The following SBF2 variants were observed in gnomAD, a reference collection of about 807,000 sequenced individuals.
SBF2 encodes the protein SET binding factor 2, also known as myotubularin-related protein 13.
SBF2 carries 112 observed loss-of-function variants against 225.2 expected under a neutral mutation model. The ratio of observed to expected loss-of-function variants is 0.50; its 90% confidence interval spans 0.43 to 0.58. SBF2 has a LOEUF of 0.58. Among genes scored for constraint, SBF2 ranks in the 20% least tolerant of loss-of-function variants. The probability of loss-of-function intolerance (pLI) is 0.00; values close to 1 mark genes in which losing one functional copy is unlikely to be tolerated. For missense variants in SBF2, 1,996 were observed against 2,206.2 expected (o/e 0.90, Z 1.91); for synonymous variants, 763 against 773.3 (o/e 0.99, Z 0.22).
At chr11:9,782,760 A>G (rs1362738120) in intron 38 of SBF2, among the ~76,000 whole-genome samples, 3 of 151,664 alleles carry the variant, frequency 2.0e-5, no homozygotes, top group African/African-American at 7.3e-5. Flanking sequence ...AATCCCAGCT[A>G]CTCGGGAGGC....
intron 16 of SBF2, among the ~76,000 whole-genome samples, chr11:9,934,753 C>T (rs11500792): frequency 0.038 from 5,808 of 152,226 alleles, 164 homozygotes; most frequent in Middle Eastern, 0.061. Flanking sequence ...CAAAATTCAA[C>T]AGCCCTTCAT....
At chr11:9,825,913 A>G (rs1275697516) in intron 28 of SBF2, among the ~76,000 whole-genome samples, 2 of 152,212 alleles carry the variant, frequency 1.3e-5, no homozygotes, top group African/African-American at 4.8e-5. Flanking sequence ...GAACAGACTG[A>G]TCTTTTTCTT....
intron 2 of SBF2, among the ~76,000 whole-genome samples, chr11:10,147,229 A>G (rs1050197159): frequency 6.6e-6 from 1 of 152,026 alleles, no homozygotes; most frequent in Non-Finnish European, 1.5e-5. Flanking sequence ...TATATACCCA[A>G]AGGAGTATAA....
intron 12 of SBF2, among the ~76,000 whole-genome samples, chr11:9,991,827 T>C (rs182227443): frequency 6.6e-6 from 1 of 152,238 alleles, no homozygotes; most frequent in East Asian, 1.9e-4. Flanking sequence ...ATGTTGATAA[T>C]TGATTAGTGA....
intron 2 of SBF2, among the ~76,000 whole-genome samples, chr11:10,076,103 G>C (rs139141390): frequency 6.6e-6 from 1 of 152,204 alleles, no homozygotes; most frequent in Non-Finnish European, 1.5e-5. Flanking sequence ...ATCTGTGGTG[G>C]AAAACTGTGA....
At chr11:9,832,756 T>C (rs1027128227) in intron 26 of SBF2, among the ~76,000 whole-genome samples, 1 of 152,186 alleles carries the variant, frequency 6.6e-6, no homozygotes, top group Non-Finnish European at 1.5e-5. Context: ...ATTTCAAATA[T>C]GGAACTTAGT....
intron 6 of SBF2, among the ~76,000 whole-genome samples, chr11:10,005,182 C>T (rs1200308698): frequency 1.3e-5 from 2 of 152,156 alleles, no homozygotes; most frequent in South Asian, 2.1e-4. Flanking sequence ...CAGGAGTTGG[C>T]GAGCGGGCTC....
intron 1 of SBF2, among the ~76,000 whole-genome samples, chr11:10,275,116 A>G (rs920945683): frequency 5.3e-5 from 8 of 152,234 alleles, no homozygotes; most frequent in Non-Finnish European, 1.2e-4. Flanking sequence ...CCAGAAACTA[A>G]GTCCATAAGG....
At chr11:9,986,339 CACAA>C (rs1947197431) in intron 13 of SBF2, among the ~76,000 whole-genome samples, 1 of 151,910 alleles carries the variant, frequency 6.6e-6, no homozygotes, top group Admixed American at 6.6e-5. Flanking sequence ...TCTGAAAGAG[CACAA>C]ACAGACAATC....
At chr11:10,146,088 T>A (rs1425377845) in intron 2 of SBF2, among the ~76,000 whole-genome samples, 1 of 152,078 alleles carries the variant, frequency 6.6e-6, no homozygotes. Flanking sequence ...CACAAACAAA[T>A]GGAAAAAACA....
At chr11:9,886,811 T>C (rs10840315) in intron 17 of SBF2, among the ~76,000 whole-genome samples, 31,154 of 151,640 alleles carry the variant, frequency 0.21, 4,102 homozygotes, top group Non-Finnish European at 0.3. Flanking sequence ...CATGTCACAA[T>C]TTTTGGGGGC....
chr11:10,172,809 T>C (rs527346277), intron 2 of SBF2, among the ~76,000 whole-genome samples: 15 of 152,258 alleles, frequency 9.9e-5, no homozygotes, highest in Admixed American at 1.3e-4. Context: ...TGGGATTACA[T>C]GCATGTGCCA....
rs769963369 is a variant in SBF2 at position 10,000,965 on chromosome 11, C to T, written c.810G>A (p.Thr270=). The part of the protein sequence containing the change: ...AQLLEVLSSP[T]PFIIGVHSVF... ...CAGAATGTACTCCAATAATGAAAGG[C>T]GTTGGGGAACTTAGAACTTCCAGTA... The change falls in exon 8 of 40, where the codon ACG becomes ACA. Residue 270 remains threonine (T), a synonymous_variant. Coordinates refer to ENST00000256190, the MANE Select transcript of SBF2 (RefSeq NM_030962.4). 30 of 1,606,926 alleles carry T rather than the reference C, an allele frequency of 1.9e-5. No homozygotes were observed. The highest frequency in any genetic ancestry group is 1.6e-4 in the Middle Eastern group (1 of 6,068).
intron 2 of SBF2, among the ~76,000 whole-genome samples, chr11:10,188,370 T>C (rs1565335630): frequency 1.3e-5 from 2 of 150,934 alleles, no homozygotes; most frequent in Non-Finnish European, 2.9e-5. Flanking sequence ...GTCCAGGCTG[T>C]CCGCAAACAA....
intron 6 of SBF2, among the ~76,000 whole-genome samples, chr11:10,020,208 G>C (rs973343561): frequency 6.6e-6 from 1 of 152,042 alleles, no homozygotes; most frequent in African/African-American, 2.4e-5. Flanking sequence ...TCAGGAGTTG[G>C]GTGAGTGAGC....
At chr11:10,188,309 T>A (rs893544406) in intron 2 of SBF2, among the ~76,000 whole-genome samples, 1 of 152,180 alleles carries the variant, frequency 6.6e-6, no homozygotes, top group Non-Finnish European at 1.5e-5. Context: ...AAGGGTGATA[T>A]GACAGACAAG....
chr11:10,276,842 G>A (rs770950712), intron 1 of SBF2, among the ~76,000 whole-genome samples: 1 of 152,080 alleles, frequency 6.6e-6, no homozygotes. Context: ...AGTATCTACT[G>A]GTTGTTATCA....
intron 1 of SBF2, among the ~76,000 whole-genome samples, chr11:10,281,370 C>T (rs1273516860): frequency 6.6e-6 from 1 of 152,116 alleles, no homozygotes; most frequent in Non-Finnish European, 1.5e-5. Context: ...GCTAGGAAGG[C>T]ATACCCTCAT....
At chr11:10,073,364 C>T (rs1419087804) in intron 2 of SBF2, among the ~76,000 whole-genome samples, 1 of 151,822 alleles carries the variant, frequency 6.6e-6, no homozygotes, top group African/African-American at 2.4e-5. Context: ...TAAGGAAGAG[C>T]AATTTCCTTA....
Sources: gnomAD v4.1 joint callset for allele counts (sites outside exome capture counted in the v4.1 genomes callset) on GRCh38, gnomAD v4.1.1 for gene constraint, MANE v1.5 for transcripts, NCBI Gene and HGNC (gene_info 2026-07-23, HGNC 2026-07-21) for gene names.